Variants in MED13 observed in about 807,000 individuals in gnomAD.
MED13 encodes the protein mediator of RNA polymerase II transcription subunit 13.
Under a neutral mutation model 225.2 loss-of-function variants are expected in MED13, and 23 were observed. The ratio of observed to expected loss-of-function variants is 0.10; its 90% CI spans 0.07 to 0.14. The LOEUF (loss-of-function observed/expected upper bound fraction) is 0.14, where lower values mean the gene tolerates loss of function less well. Among genes scored for constraint, MED13 ranks in the 10% least tolerant of loss-of-function variants. The pLI is 1.00. For missense variants in MED13, 2,197 were observed against 2,594.5 expected (o/e 0.85, Z 3.33); for synonymous variants, 942 against 889.2 (o/e 1.06, Z -1.06).
chr17:62,062,937 T>C, intron 2 of MED13, 130 bp downstream of exon 2: 1 of 621,616 alleles, frequency 1.6e-6, no homozygotes, highest in Non-Finnish European at 2.7e-6. Flanking sequence ...AATAAAACAA[T>C]GAAGCTGAAT....
chr17:62,054,765 G>C (rs7217530), intron 2 of MED13, among the ~76,000 whole-genome samples: 10,603 of 152,180 alleles, frequency 0.07, 1,254 homozygotes, highest in African/African-American at 0.24. Flanking sequence ...ACAGAATTAT[G>C]TTAGGAATAT....
chr17:61,965,592 T>C, intron 19 of MED13, 124 bp from the exon 20 acceptor site: 2 of 925,920 alleles, frequency 2.2e-6, no homozygotes, highest in Non-Finnish European at 3.1e-6. Context: ...GCCCCGAAAT[T>C]GCTTGCTAAT....
rs777491706 is a variant in MED13, at chr17:62,065,206, C to G, written c.-1G>C. On this transcript the variant is annotated 5_prime_UTR_variant, in exon 1 of 30. Coordinates refer to ENST00000397786, the MANE Select transcript of MED13 (RefSeq NM_005121.3). Reference sequence around the variant, plus strand: ...CGTTCGGCACGAAGGAGGCACTCATCGTCCCTCACAGCAGCCGCCGCCGGC... The same window carrying G: ...CGTTCGGCACGAAGGAGGCACTCATGGTCCCTCACAGCAGCCGCCGCCGGC... 30 of 1,537,066 alleles carry G rather than the reference C, an allele frequency of 2.0e-5. No homozygotes were observed. The highest frequency in any genetic ancestry group is 2.5e-5 in the Non-Finnish European group (29 of 1,140,648).
intron 18 of MED13, among the ~76,000 whole-genome samples, chr17:61,967,668 G>A (rs902981917): frequency 2.6e-5 from 4 of 152,162 alleles, no homozygotes; most frequent in Admixed American, 1.3e-4. Flanking sequence ...TGAGGAAAGT[G>A]AGGCCTAGTG....
chr17:62,044,277 ACT>A lies in MED13; in HGVS notation c.470+8258_470+8259del, dbSNP rs1332047618. On this transcript the variant is annotated intron_variant, in intron 3 of 29. Coordinates refer to ENST00000397786, the MANE Select transcript of MED13 (RefSeq NM_005121.3). ...ATTTCTTTATTGAAGCACCAAAAGT[ACT>A]GTTTTAATTATAAATATAAAGGTTC... is the stretch of plus-strand genomic sequence containing the variant. 5.9e-5 allele frequency among the ~76,000 whole-genome samples: 9 copies of A among 152,298 alleles called. No homozygotes were observed. The East Asian group carries it at 1.7e-3, about 29-fold the overall frequency.
intron 9 of MED13, among the ~76,000 whole-genome samples, chr17:62,008,143 C>G (rs892357364): frequency 6.6e-6 from 1 of 150,746 alleles, no homozygotes; most frequent in African/African-American, 2.4e-5. Flanking sequence ...CGGTGAAACC[C>G]CCGTCTCTAC....
chr17:62,064,223 C>T (rs2081063559), intron 1 of MED13, among the ~76,000 whole-genome samples: 1 of 152,200 alleles, frequency 6.6e-6, no homozygotes. Context: ...GTCACCCAAA[C>T]TTAAAGTCAT....
At chr17:62,015,860 AGTGTGTAT>A (rs1287983225) in intron 8 of MED13, among the ~76,000 whole-genome samples, 2 of 93,354 alleles carry the variant, frequency 2.1e-5, no homozygotes, top group African/African-American at 9.1e-5. Context: ...ATATGTGTAT[AGTGTGTAT>A]GTGTGTGTGT....
At chr17:62,014,318 A>G (rs1320033587) in intron 8 of MED13, among the ~76,000 whole-genome samples, 1 of 150,138 alleles carries the variant, frequency 6.7e-6, no homozygotes, top group Admixed American at 6.6e-5. Context: ...TTTTATATAT[A>G]TATATATATA....
At chr17:61,973,851 C>T (rs1431326209) in intron 16 of MED13, among the ~76,000 whole-genome samples, 1 of 152,042 alleles carries the variant, frequency 6.6e-6, no homozygotes, top group Middle Eastern at 3.4e-3. Context: ...GGCATGGTGG[C>T]ACATGCCTGT....
At chr17:62,059,994 T>C (rs1000186912) in intron 2 of MED13, among the ~76,000 whole-genome samples, 1 of 152,188 alleles carries the variant, frequency 6.6e-6, no homozygotes. Context: ...CTTTGATAAA[T>C]TTTTAAGTTA....
At chr17:61,979,019 T>C (rs1004253871) in intron 16 of MED13, among the ~76,000 whole-genome samples, 2 of 152,218 alleles carry the variant, frequency 1.3e-5, no homozygotes, top group African/African-American at 4.8e-5. Flanking sequence ...TATCTCTTGG[T>C]CATTTTTGGA....
intron 7 of MED13, 38 bp from the exon 8 acceptor site, chr17:62,029,689 A>C: frequency 6.3e-7 from 1 of 1,578,612 alleles, no homozygotes; most frequent in Admixed American, 1.8e-5. Context: ...AAAATTCATA[A>C]AATTTTCTAT....
At chr17:62,015,946 ATATATATATTTTTTTTTTT>A (rs1186479177) in intron 8 of MED13, among the ~76,000 whole-genome samples, 38 of 13,586 alleles carry the variant, frequency 2.8e-3, no homozygotes, top group African/African-American at 8.6e-3. Context: ...ATATATATAT[ATATATATATTTTTTTTTTT>A]TTTTTTTTTT....
chr17:62,031,836 C>A lies in MED13; in HGVS notation c.815-198G>T, dbSNP rs116726530. Among the ~76,000 whole-genome samples the A allele has an allele frequency of 5.8e-3, 869 of 149,708 alleles. 6 individuals are homozygous for A. Among genetic ancestry groups the A allele is most frequent in the African/African-American group, 0.021 (835 of 40,722 alleles). ...CTTTTTTAGAAGAAACCACAATAAA[C>A]CACAATAAGCTGTCAGTGGTGGTTA... On this transcript the variant is annotated intron_variant, in intron 5 of 29. Coordinates refer to ENST00000397786, the MANE Select transcript of MED13 (RefSeq NM_005121.3).
intron 8 of MED13, among the ~76,000 whole-genome samples, chr17:62,018,380 G>T (rs897669678): frequency 6.6e-6 from 1 of 152,144 alleles, no homozygotes; most frequent in Non-Finnish European, 1.5e-5. Flanking sequence ...GTAACACATT[G>T]TATTAGGTAT....
At chr17:61,996,517 C>T (rs541499416) in intron 9 of MED13, among the ~76,000 whole-genome samples, 2 of 152,256 alleles carry the variant, frequency 1.3e-5, no homozygotes, top group South Asian at 4.1e-4. Context: ...CTCTCTTATA[C>T]TGCTTCCAAG....
chr17:62,039,614 A>G, intron 3 of MED13, among the ~76,000 whole-genome samples: 1 of 132,360 alleles, frequency 7.6e-6, no homozygotes. Flanking sequence ...TTTTTTTGAG[A>G]CAGTTTCACT....
At chr17:62,012,882 T>C (rs1299924879) in intron 8 of MED13, among the ~76,000 whole-genome samples, 1 of 151,612 alleles carries the variant, frequency 6.6e-6, no homozygotes, top group Non-Finnish European at 1.5e-5. Flanking sequence ...AACCTCCGCC[T>C]CCCAGGTTCA....
Sources: gnomAD v4.1 joint callset for allele counts (sites outside exome capture counted in the v4.1 genomes callset) on GRCh38, gnomAD v4.1.1 for gene constraint, MANE v1.5 for transcripts, NCBI Gene and HGNC (gene_info 2026-07-23, HGNC 2026-07-21) for gene names.